The following TXNDC12 variants were observed in gnomAD, a reference collection of about 807,000 sequenced individuals.
TXNDC12 encodes the protein thioredoxin domain-containing protein 12.
A neutral mutation model predicts 24.2 loss-of-function variants in TXNDC12; 22 were observed. The observed-to-expected ratio is 0.91, with a 90% CI of 0.65 to 1.30. The LOEUF is 1.30. TXNDC12 is among the 50% of genes most tolerant of loss of function. TXNDC12 has a pLI of 0.00. For synonymous variants in TXNDC12, 58 were observed against 73.4 expected, an observed-to-expected ratio of 0.79 and a Z score of 1.07; for missense variants, 184 against 205.8, an observed-to-expected ratio of 0.89 and a Z score of 0.65.
At chr1:52,034,576 T>G (rs1264288312) in intron 2 of TXNDC12, among the ~76,000 whole-genome samples, 1 of 152,176 alleles carries the variant, frequency 6.6e-6, no homozygotes, top group Non-Finnish European at 1.5e-5. Flanking sequence ...TATCTAAACT[T>G]CAAATTTAAC....
At chr1:52,033,864 GA>G in intron 2 of TXNDC12, 2 of 1,444,464 alleles carry the variant, frequency 1.4e-6, no homozygotes, top group Non-Finnish European at 1.8e-6. Flanking sequence ...TGTCTCCCTT[GA>G]CTTTTACAGA....
At chr1:52,034,018 G>T (rs1478267711) in intron 2 of TXNDC12, 2 of 1,385,460 alleles carry the variant, frequency 1.4e-6, no homozygotes, top group African/African-American at 2.9e-5. Context: ...TCTTCCTGCA[G>T]CGAAAGACTG....
chr1:52,047,813 G>A (rs1290926666), intron 1 of TXNDC12, among the ~76,000 whole-genome samples: 2 of 152,136 alleles, frequency 1.3e-5, no homozygotes, highest in Non-Finnish European at 2.9e-5. Flanking sequence ...TAAGTGAAGA[G>A]TGGGTGATTG....
intron 4 of TXNDC12, among the ~76,000 whole-genome samples, chr1:52,026,219 G>C (rs1337485851): frequency 6.6e-6 from 1 of 152,174 alleles, no homozygotes; most frequent in East Asian, 1.9e-4. Context: ...TGGCCTGAAA[G>C]AGAGCACGGC....
At chr1:52,046,388 A>G (rs1174289608) in intron 1 of TXNDC12, among the ~76,000 whole-genome samples, 2 of 152,100 alleles carry the variant, frequency 1.3e-5, no homozygotes, top group Non-Finnish European at 2.9e-5. Flanking sequence ...ATATATTTCA[A>G]AGGCAAAGTT....
chr1:52,044,194 T>C (rs925455544), intron 1 of TXNDC12: 9 of 152,238 alleles, frequency 5.9e-5, no homozygotes, highest in Non-Finnish European at 8.8e-5. Flanking sequence ...ACTTTCAGAA[T>C]GTGCTCACTA....
chr1:52,046,569 CA>C (rs1686093459), intron 1 of TXNDC12, among the ~76,000 whole-genome samples: 1 of 152,078 alleles, frequency 6.6e-6, no homozygotes, highest in African/African-American at 2.4e-5. Flanking sequence ...AGATCGAATA[CA>C]TACAACTCTT....
chr1:52,050,570 A>G (rs1440463299), intron 1 of TXNDC12, among the ~76,000 whole-genome samples: 2 of 152,228 alleles, frequency 1.3e-5, no homozygotes, highest in African/African-American at 4.8e-5. Flanking sequence ...CTAGCTGATG[A>G]AACCTAAATA....
intron 2 of TXNDC12, among the ~76,000 whole-genome samples, chr1:52,039,910 AT>A (rs897838237): frequency 6.6e-6 from 1 of 151,748 alleles, no homozygotes; most frequent in South Asian, 2.1e-4. Flanking sequence ...GAAGTTTTTT[AT>A]TTTTTTATTT....
chr1:52,055,677 G>C (rs1470438091), upstream of TXNDC12: 1 of 152,926 alleles, frequency 6.5e-6, no homozygotes, highest in African/African-American at 2.4e-5. Flanking sequence ...GCGTGGGCTC[G>C]TGCCGTGCAG....
chr1:52,032,047 A>G, intron 2 of TXNDC12: 1 of 752,308 alleles, frequency 1.3e-6, no homozygotes, highest in Non-Finnish European at 1.6e-6. Flanking sequence ...AATGACAAGT[A>G]TACCTAAAAT....
chr1:52,039,993 G>A (rs1685956502), intron 2 of TXNDC12, among the ~76,000 whole-genome samples: 1 of 151,842 alleles, frequency 6.6e-6, no homozygotes, highest in Non-Finnish European at 1.5e-5. Context: ...GTACAGTGGT[G>A]CAATCTCAGC....
intron 3 of TXNDC12, among the ~76,000 whole-genome samples, chr1:52,027,935 C>T (rs1348361463): frequency 6.6e-6 from 1 of 151,874 alleles, no homozygotes; most frequent in Non-Finnish European, 1.5e-5. Context: ...CGGGCTCAAG[C>T]GATTCTCAGC....
chr1:52,023,892 G>C (rs954226227), intron 5 of TXNDC12, among the ~76,000 whole-genome samples: 4 of 152,068 alleles, frequency 2.6e-5, no homozygotes, highest in African/African-American at 9.7e-5. Context: ...GTTCAAGGGT[G>C]AGAATTCTGG....
intron 6 of TXNDC12, among the ~76,000 whole-genome samples, chr1:52,021,510 G>T (rs1685596445): frequency 6.8e-6 from 1 of 147,858 alleles, no homozygotes; most frequent in South Asian, 2.1e-4. Context: ...ACTGAAGGGG[G>T]TCGTCATTTC....
At chr1:52,041,647 G>GT in intron 1 of TXNDC12, 50 bp from the exon 2 acceptor site, 1 of 1,259,534 alleles carries the variant, frequency 7.9e-7, no homozygotes, top group Non-Finnish European at 1.1e-6. Flanking sequence ...AAAGGGCACA[G>GT]TCCCAAGAAG....
intron 4 of TXNDC12, among the ~76,000 whole-genome samples, chr1:52,025,831 T>A (rs1295771674): frequency 6.6e-6 from 1 of 151,898 alleles, no homozygotes; most frequent in South Asian, 2.1e-4. Context: ...ATCTTTTTTT[T>A]TTTTTTTCTC....
At position 52,026,994 on chromosome 1, in the gene TXNDC12, C is replaced by T. The variant is rs538470143; in HGVS notation, c.285+281G>A. On this transcript the variant is annotated intron_variant, in intron 4 of 6. Coordinates refer to ENST00000371626, the MANE Select transcript of TXNDC12 (RefSeq NM_015913.4). Reference sequence around the variant, plus strand: ...GAGGTTGCAGCGAGCCAGGATCGCACCACTGCACTCCAGCCTGGGCAACAG... The same window carrying T: ...GAGGTTGCAGCGAGCCAGGATCGCATCACTGCACTCCAGCCTGGGCAACAG... Among the ~76,000 whole-genome samples, 291 of 151,902 alleles carry T rather than the reference C, an allele frequency of 1.9e-3. 1 individual carries two copies. Among genetic ancestry groups the T allele is most frequent in the African/African-American group, 6.9e-3 (284 of 41,406 alleles).
chr1:52,024,041 C>A (rs1057330051), intron 5 of TXNDC12, among the ~76,000 whole-genome samples: 2 of 150,864 alleles, frequency 1.3e-5, no homozygotes, highest in Non-Finnish European at 2.9e-5. Context: ...GTCATTCAGG[C>A]TCAAGGGCAG....
Sources: gnomAD v4.1 joint callset for allele counts (sites outside exome capture counted in the v4.1 genomes callset) on GRCh38, gnomAD v4.1.1 for gene constraint, MANE v1.5 for transcripts, NCBI Gene and HGNC (gene_info 2026-07-23, HGNC 2026-07-21) for gene names.